GDNF: variants seen among roughly 807,000 people sequenced by gnomAD.
GDNF encodes the protein glial cell line-derived neurotrophic factor.
A neutral mutation model predicts 13.7 loss-of-function variants in GDNF; 5 were observed. The observed-to-expected ratio is 0.36, with a 90% CI of 0.19 to 0.77. The LOEUF is 0.77. GDNF is among the 30% of genes least tolerant of loss of function. The pLI, the probability that GDNF is intolerant of heterozygous loss-of-function variation, is 0.51. For synonymous variants in GDNF, 122 were observed against 112.5 expected (o/e 1.08, Z -0.53); for missense variants, 246 against 274.3 (o/e 0.90, Z 0.73).
At position 37,815,471 on chromosome 5, in the gene GDNF, T is replaced by C; in HGVS notation, c.*180A>G. On this transcript the variant is annotated 3_prime_UTR_variant, in exon 3 of 3. Coordinates refer to ENST00000326524, the MANE Select transcript of GDNF (RefSeq NM_000514.4). This position sits in a 1 kb window ranked among gnomAD's most constrained non-coding sequence, Gnocchi z 5.0. ...GTAGCTGGATCTCCCTCTACCAGGCTCCCATGATGGCTGCCTTCCTCCTCC... is the reference window on the plus strand; with the variant it reads ...GTAGCTGGATCTCCCTCTACCAGGCCCCCATGATGGCTGCCTTCCTCCTCC... 1 of 649,092 alleles carries C rather than the reference T, an allele frequency of 1.5e-6. No homozygotes were observed. The highest frequency in any genetic ancestry group is 2.8e-6 in the Non-Finnish European group (1 of 362,402). The allele number at this position is 649,092 out of a possible 1,614,324, so 40.2% of individuals were successfully genotyped here. A position where few individuals can be genotyped will look rare whatever the true frequency, so the allele number is the denominator to read the frequency against.
intron 2 of GDNF, among the ~76,000 whole-genome samples, chr5:37,833,589 G>A (rs1177436368): frequency 6.6e-6 from 1 of 152,130 alleles, no homozygotes; most frequent in Non-Finnish European, 1.5e-5. Flanking sequence ...GGGACTCAGC[G>A]CACAGCTGAC....
chr5:37,818,594 C>T (rs1412863197), intron 2 of GDNF, among the ~76,000 whole-genome samples: 1 of 152,180 alleles, frequency 6.6e-6, no homozygotes, highest in African/African-American at 2.4e-5. Flanking sequence ...CATCCCCCAT[C>T]CTAGTCATGA....
chr5:37,826,728 C>T (rs756559102), intron 2 of GDNF, among the ~76,000 whole-genome samples: 7 of 152,206 alleles, frequency 4.6e-5, no homozygotes, highest in Non-Finnish European at 1.0e-4. Context: ...TGTCCATTTC[C>T]TCAATTTCCA....
chr5:37,831,656 T>C (rs914159633), intron 2 of GDNF, among the ~76,000 whole-genome samples: 3 of 152,186 alleles, frequency 2.0e-5, no homozygotes, highest in African/African-American at 4.8e-5. Context: ...CCTGTGATCA[T>C]GGAACTGTGG....
At chr5:37,836,435 T>C (rs1357373916) in intron 1 of GDNF, among the ~76,000 whole-genome samples, 15 of 152,238 alleles carry the variant, frequency 9.9e-5, no homozygotes, top group African/African-American at 3.1e-4. Flanking sequence ...TGAGCGTCTG[T>C]TTGTTCGCTA....
intron 1 of GDNF, among the ~76,000 whole-genome samples, chr5:37,836,283 G>A (rs1750700218): frequency 6.6e-6 from 1 of 151,964 alleles, no homozygotes. Context: ...TAGTTCACAG[G>A]CACCCCCGCC....
In GDNF at chr5:37,812,818, AC is replaced by A. The variant is rs1172515373; in HGVS notation, c.*2832del. The A allele has an allele frequency of 2.2e-5, 3 of 137,022 alleles. No homozygotes were observed. The highest frequency in any genetic ancestry group is 5.2e-5 in the Non-Finnish European group (3 of 58,228). 8.5% of individuals were successfully genotyped at this position (137,022 alleles called of 1,614,324 possible). On this transcript the variant is annotated 3_prime_UTR_variant, in exon 3 of 3. Transcript: ENST00000326524. ...GAACTTCCAAACAAGTGCACTCCTT[AC>A]GGTATCAGATGGTGATCGCAATGAT...
At chr5:37,829,682 G>A (rs1750451047) in intron 2 of GDNF, among the ~76,000 whole-genome samples, 1 of 152,184 alleles carries the variant, frequency 6.6e-6, no homozygotes, top group Non-Finnish European at 1.5e-5. Flanking sequence ...TATTAGGAGG[G>A]GAAAATATCA....
intron 2 of GDNF, among the ~76,000 whole-genome samples, chr5:37,820,760 T>C (rs1023109886): frequency 1.3e-5 from 2 of 152,142 alleles, no homozygotes; most frequent in Non-Finnish European, 2.9e-5. Flanking sequence ...ATAAAGTCTA[T>C]TATTATTATT....
chr5:37,824,149 C>T, intron 2 of GDNF: 1 of 442,110 alleles, frequency 2.3e-6, no homozygotes, highest in Non-Finnish European at 3.0e-6. Context: ...TGAAAGCATC[C>T]AGATTCTACT....
intron 2 of GDNF, among the ~76,000 whole-genome samples, chr5:37,820,342 A>C (rs560569114): frequency 1.9e-4 from 29 of 152,370 alleles, no homozygotes; most frequent in African/African-American, 6.5e-4. Context: ...GATTTGAATC[A>C]GCACTTATAG....
At chr5:37,816,840 G>A (rs1749948893) in intron 2 of GDNF, among the ~76,000 whole-genome samples, 1 of 152,124 alleles carries the variant, frequency 6.6e-6, no homozygotes, top group African/African-American at 2.4e-5. Context: ...AAGAGCTCAG[G>A]AATGCAACTA....
chr5:37,829,748 G>A (rs913938888), intron 2 of GDNF, among the ~76,000 whole-genome samples: 6 of 152,118 alleles, frequency 3.9e-5, no homozygotes, highest in East Asian at 1.9e-4. Context: ...CATTGCTCAC[G>A]CCCTGGGTCA....
intron 2 of GDNF, 125 bp downstream of exon 2, chr5:37,834,521 C>T (rs1242378206): frequency 1.3e-5 from 12 of 912,166 alleles, no homozygotes; most frequent in Non-Finnish European, 1.7e-5. Flanking sequence ...ACCCGCACCC[C>T]TTGCCCACGG....
intron 2 of GDNF, among the ~76,000 whole-genome samples, chr5:37,820,331 G>A (rs1750089036): frequency 6.6e-6 from 1 of 152,170 alleles, no homozygotes; most frequent in Non-Finnish European, 1.5e-5. Context: ...ACAATCATAA[G>A]GATTTGAATC....
At chr5:37,817,297 G>A (rs936512391) in intron 2 of GDNF, among the ~76,000 whole-genome samples, 2 of 152,174 alleles carry the variant, frequency 1.3e-5, no homozygotes, top group Non-Finnish European at 2.9e-5. Context: ...TTTCTAAACG[G>A]GGGGAAAAAC....
intron 2 of GDNF, among the ~76,000 whole-genome samples, chr5:37,831,805 CA>C (rs1160246279): frequency 6.6e-6 from 1 of 152,072 alleles, no homozygotes; most frequent in Non-Finnish European, 1.5e-5. Flanking sequence ...TGGAAACTGG[CA>C]AAAAGCAAAA....
chr5:37,836,759 T>C (rs1039132756), intron 1 of GDNF, among the ~76,000 whole-genome samples: 6 of 152,202 alleles, frequency 3.9e-5, no homozygotes, highest in African/African-American at 1.2e-4. Context: ...CCATTCCAAA[T>C]CGCGGTGCCC....
rs1021486609 is a variant in GDNF, at chr5:37,812,677, G to A, written c.*2974C>T. ...GCAAGGAAGTACAGAAGTACAGAGA[G>A]CAATAGAAATGAGTTTTTATTTGTA... On this transcript the variant is annotated 3_prime_UTR_variant, in exon 3 of 3. Transcript: ENST00000326524. 3 of 152,194 alleles carry A rather than the reference G, an allele frequency of 2.0e-5. No individual in the cohort carries two copies. The highest frequency in any genetic ancestry group is 7.2e-5 in the African/African-American group (3 of 41,432). 9.4% of individuals were successfully genotyped at this position (152,194 alleles called of 1,614,324 possible). A position where few individuals can be genotyped will look rare whatever the true frequency, so the allele number is the denominator to read the frequency against.
Sources: allele counts gnomAD v4.1 joint callset (sites outside exome capture counted in the v4.1 genomes callset), GRCh38; gene constraint gnomAD v4.1.1; non-coding constraint Gnocchi (gnomAD v3.1); transcripts MANE v1.5; gene names NCBI Gene and HGNC (gene_info 2026-07-23, HGNC 2026-07-21).